Variants in TTN observed in about 807,000 individuals in gnomAD.
TTN encodes the protein titin, also known as connectin.
A neutral mutation model predicts 3,223.0 loss-of-function variants in TTN; 1,525 were observed. The ratio of observed to expected loss-of-function variants is 0.47; its 90% confidence interval spans 0.45 to 0.49. The LOEUF (loss-of-function observed/expected upper bound fraction) is 0.49, where lower values mean the gene tolerates loss of function less well. Ranked by LOEUF, TTN falls within the 20% of genes least tolerant of loss-of-function variation. The pLI, the probability that TTN is intolerant of heterozygous loss-of-function variation, is 0.00. For synonymous variants in TTN, 14,094 were observed against 15,161.0 expected, an observed-to-expected ratio of 0.93 and a Z score of 5.17; for missense variants, 40,786 against 43,424.0, an observed-to-expected ratio of 0.94 and a Z score of 5.40.
In TTN at chr2:178,572,498, A is replaced by C; in HGVS notation, c.73634T>G (p.Leu24545Arg). 1.2e-6 allele frequency: 2 copies of C among 1,613,332 alleles called. No homozygotes were observed. The highest frequency in any genetic ancestry group is 1.7e-6 in the Non-Finnish European group (2 of 1,179,546). Reference protein sequence around the residue: ...SVTLTWDPPLLDGGSKIKNYI... With the variant: ...SVTLTWDPPLRDGGSKIKNYI... Reference sequence around the variant, plus strand: ...GTTCTTGATTTTTGAACCTCCATCAAGGAGAGGTGGGTCCCATGTGAGTGT... The same window carrying C: ...GTTCTTGATTTTTGAACCTCCATCACGGAGAGGTGGGTCCCATGTGAGTGT... Residue 24545 changes from leucine to arginine, a missense_variant, in exon 326 of 363, where the codon CTT becomes CGT. Transcript: ENST00000589042.
chr2:178,569,626 T>C lies in TTN; in HGVS notation c.76506A>G (p.Glu25502=), dbSNP rs1575724281. ...HADVPGPIIV[E]EKLEAPDIDL... ...CAATGTCTGGTGCTTCTAATTTTTC[T>C]TCAACTATAATAGGTCCAGGGACGT... is the stretch of plus-strand genomic sequence containing the variant. Residue 25502 remains glutamate, a synonymous_variant, in exon 326 of 363, where the codon GAA becomes GAG. Coordinates refer to ENST00000589042, the MANE Select transcript of TTN (RefSeq NM_001267550.2). 6.2e-7 allele frequency: 1 copy of C among 1,612,076 alleles called. No individual in the cohort carries two copies. The highest frequency in any genetic ancestry group is 8.5e-7 in the Non-Finnish European group (1 of 1,179,026).
chr2:178,775,857 G>A lies in TTN; in HGVS notation c.6007C>T (p.Arg2003Cys), dbSNP rs756461399. ...ESEELRSKFK[R>C]RTEEGYYEAI... Reference sequence around the variant, plus strand: ...TCATAATAGCCCTCTTCTGTTCTGCGCTTGAATTTACTGCGCAGCTCTTCC... The same window carrying A: ...TCATAATAGCCCTCTTCTGTTCTGCACTTGAATTTACTGCGCAGCTCTTCC... Residue 2003 changes from arginine (R) to cysteine (C), a missense_variant, in exon 28 of 363, where the codon CGC (arginine) becomes TGC (cysteine). Coordinates refer to ENST00000589042, the MANE Select transcript of TTN (RefSeq NM_001267550.2). 9.3e-6 allele frequency: 15 copies of A among 1,613,920 alleles called. No homozygotes were observed. The highest frequency in any genetic ancestry group is 7.7e-5 in the South Asian group (7 of 91,086).
Position 178,553,497 on chromosome 2 carries a change from C to T in TTN, c.89503+5G>A. 6.2e-7 allele frequency: 1 copy of T among 1,604,524 alleles called. No homozygotes were observed. The highest frequency in any genetic ancestry group is 8.5e-7 in the Non-Finnish European group (1 of 1,175,338). On this transcript the variant is annotated splice_donor_5th_base_variant and intron_variant, in intron 334 of 362. Transcript: ENST00000589042. ...AAAAACATAATCAAACCAGTAGGTA[C>T]ATACCAAGTATATCTTTAGCTTGTA...
At position 178,552,413 on chromosome 2, in the gene TTN, T is replaced by C. The variant is rs1445875669; in HGVS notation, c.90487A>G (p.Ile30163Val). The C allele has an allele frequency of 6.3e-7, 1 of 1,595,602 alleles. No individual in the cohort carries two copies. The highest frequency in any genetic ancestry group is 8.6e-7 in the Non-Finnish European group (1 of 1,168,240). ...LPYKGKPKPS[I>V]SWLKDGLPLK... The stretch of plus-strand genomic sequence containing the variant: ...GGCAAGCCATCTTTCAGCCAACTGA[T>C]GGATGGTTTGGGTTTTCCCTTATAA... The change falls in exon 335 of 363, where the codon ATC (isoleucine) becomes GTC (valine). Residue 30163 changes from isoleucine (I) to valine (V), a missense_variant. Physicochemically the swap from Ile to Val is conservative, Grantham distance 29. Transcript: ENST00000589042.
chr2:178,528,211 AGAG>A, intron 361 of TTN, 60 bp downstream of exon 361: 2 of 1,528,826 alleles, frequency 1.3e-6, no homozygotes, highest in Non-Finnish European at 1.8e-6. Flanking sequence ...TGCTTGAAAG[AGAG>A]GCAAAAAAAC....
chr2:178,580,772 C>G, intron 316 of TTN, 163 bp from the exon 317 acceptor site: 1 of 732,314 alleles, frequency 1.4e-6, no homozygotes. Context: ...CTGTTCTGTA[C>G]TAATTGTTGA....
At chr2:178,783,554 A>G (rs1354716085) in intron 17 of TTN, among the ~76,000 whole-genome samples, 166 bp downstream of exon 17, 3 of 152,158 alleles carry the variant, frequency 2.0e-5, no homozygotes, top group African/African-American at 4.8e-5. Context: ...CTTGCCAAAT[A>G]TGGTCAAATA....
rs1334126012 is a variant in TTN at position 178,576,827 on chromosome 2, G to A, written c.69417C>T (p.Pro23139=). 6.2e-7 allele frequency: 1 copy of A among 1,606,962 alleles called. No homozygotes were observed. The highest frequency in any genetic ancestry group is 1.7e-5 in the Admixed American group (1 of 58,206). Residue 23139 remains proline (P), a synonymous_variant, in exon 325 of 363, where the codon CCC becomes CCT. Coordinates refer to ENST00000589042, the MANE Select transcript of TTN (RefSeq NM_001267550.2). This position sits in a 1 kb window ranked among gnomAD's most constrained non-coding sequence, Gnocchi z 4.3. ...EPVKMVDRFG[P]PGPPEKPEVS... ...CCTCTGGTTTTTCAGGAGGGCCAGGGGGACCTGAAAAGGAAGCAAATTTAT... is the reference window on the plus strand; with the variant it reads ...CCTCTGGTTTTTCAGGAGGGCCAGGAGGACCTGAAAAGGAAGCAAATTTAT...
Position 178,651,299 on chromosome 2 carries a change from A to G in TTN, c.39569T>C (p.Val13190Ala). Residue 13190 changes from valine (V) to alanine (A), a missense_variant, in exon 208 of 363, where the codon GTT becomes GCT. By Grantham distance (64) the Val-to-Ala change is moderately conservative. Coordinates refer to ENST00000589042, the MANE Select transcript of TTN (RefSeq NM_001267550.2). Reference sequence around the variant, plus strand: ...AACAGCTACTTTCTTTTCTGGAACAACTTCTTTTGGAACTTCAGGCACTTC... The same window carrying G: ...AACAGCTACTTTCTTTTCTGGAACAGCTTCTTTTGGAACTTCAGGCACTTC... ...PAKVPEVPKEVVPEKKVAVPK... is the reference protein window; with the variant it reads ...PAKVPEVPKEAVPEKKVAVPK... 1 of 1,613,098 alleles carries G rather than the reference A, an allele frequency of 6.2e-7. No individual in the cohort carries two copies. The highest frequency in any genetic ancestry group is 1.3e-5 in the African/African-American group (1 of 74,968).
chr2:178,610,460 A>C, intron 270 of TTN, 71 bp from the exon 271 acceptor site: 1 of 1,503,756 alleles, frequency 6.7e-7, no homozygotes, highest in Non-Finnish European at 9.1e-7. Flanking sequence ...CTTGTCTCTA[A>C]GTGGGGCTAT....
At position 178,732,680 on chromosome 2, in the gene TTN, C is replaced by T. The variant is rs749477796; in HGVS notation, c.16381G>A (p.Val5461Ile). 3.1e-6 allele frequency: 5 copies of T among 1,604,872 alleles called. No homozygotes were observed. The highest frequency in any genetic ancestry group is 4.3e-6 in the Non-Finnish European group (5 of 1,175,474). Residue 5461 changes from valine to isoleucine, a missense_variant, in exon 56 of 363, where the codon GTT becomes ATT. Transcript: ENST00000589042. ...AGGCAGACTGCTGAGCCAGGCAGAACATCCTTTGAGCCGGGTTTAGTTACA... is the reference window on the plus strand; with the variant it reads ...AGGCAGACTGCTGAGCCAGGCAGAATATCCTTTGAGCCGGGTTTAGTTACA... ...SFVTKPGSKD[V>I]LPGSAVCLKS... is the part of the protein sequence containing the mutation.
rs397517613 is a variant in TTN at position 178,605,703 on chromosome 2, T to C, written c.53592A>G (p.Thr17864=). Residue 17864 remains threonine (T), a synonymous_variant, in exon 279 of 363, where the codon ACA becomes ACG. Transcript: ENST00000589042. ...CAGTGTATGTGAGCCTCTCTGGAGA[T>C]GTTGGAGGACCTTTAGCCAGAGGCA... The part of the protein sequence containing the change: ...ILAVDPLGPP[T]SPERLTYTER... The C allele has an allele frequency of 6.8e-5, 104 of 1,537,480 alleles. No homozygotes were observed. Among genetic ancestry groups the C allele is most frequent in the Non-Finnish European group, 8.8e-5 (100 of 1,138,994 alleles).
intron 239 of TTN, 107 bp from the exon 240 acceptor site, chr2:178,629,550 C>T (rs865918151): frequency 5.4e-6 from 8 of 1,493,266 alleles, no homozygotes; most frequent in Admixed American, 2.0e-5. Context: ...CAAGAAGCCA[C>T]AGGACTGGCC....
chr2:178,560,859 T>C lies in TTN; in HGVS notation c.85273A>G (p.Thr28425Ala). The change falls in exon 326 of 363, where the codon ACT becomes GCT. Residue 28425 changes from threonine (T) to alanine (A), a missense_variant. By Grantham distance (58) the Thr-to-Ala change is moderately conservative. Transcript: ENST00000589042. ...TTCAGTGTTAGTACATATTGCCCAG[T>C]GTCTCGTCTTATACAGTCTTTAACT... Reference protein sequence around the residue: ...LTVKDCIRRDTGQYVLTLKNV... With the variant: ...LTVKDCIRRDAGQYVLTLKNV... 5 of 1,613,728 alleles carry C rather than the reference T, an allele frequency of 3.1e-6. No individual in the cohort carries two copies. The highest frequency in any genetic ancestry group is 4.2e-6 in the Non-Finnish European group (5 of 1,179,804).
rs1044101230 is a variant in TTN at position 178,587,458 on chromosome 2, C to T, written c.63794-41G>A. ...AAATCAGATATACATGTCTCCTCAG[C>T]ATCCCTATTAACAAATTCATTTTTG... On this transcript the variant is annotated intron_variant, in intron 306 of 362. Coordinates refer to ENST00000589042, the MANE Select transcript of TTN (RefSeq NM_001267550.2). 15 of 1,603,170 alleles carry T rather than the reference C, an allele frequency of 9.4e-6. No homozygotes were observed. The African/African-American group carries it at 1.7e-4, about 19-fold the overall frequency.
Position 178,776,333 on chromosome 2 carries a change from A to T in TTN, c.5531T>A (p.Val1844Asp). 6.2e-7 allele frequency: 1 copy of T among 1,613,960 alleles called. No individual in the cohort carries two copies. Among genetic ancestry groups the T allele is most frequent in the Non-Finnish European group, 8.5e-7 (1 of 1,179,990 alleles). Residue 1844 changes from valine (V) to aspartate (D), a missense_variant, in exon 28 of 363, where the codon GTC becomes GAC. Val to Asp is a radical substitution (Grantham distance 152). Coordinates refer to ENST00000589042, the MANE Select transcript of TTN (RefSeq NM_001267550.2). ...DQKEKQKPDI[V>D]LYPEPVRVLE... ...TACTCTAACTGGCTCTGGGTACAAG[A>T]CAATGTCTGGCTTTTGCTTTTCTTT...
At chr2:178,745,076 T>G in intron 47 of TTN, 1 of 986,996 alleles carries the variant, frequency 1.0e-6, no homozygotes. Flanking sequence ...TTGTTGTTTG[T>G]TTTGCCTATT....
At chr2:178,748,539 T>C in intron 47 of TTN, 2 of 1,613,068 alleles carry the variant, frequency 1.2e-6, no homozygotes, top group East Asian at 2.2e-5. Context: ...TGAGAATACA[T>C]TTGTTTTAGA....
Position 178,558,032 on chromosome 2 carries a change from C to T in TTN, c.87322G>A (p.Val29108Ile), listed in dbSNP as rs1393606181. ...ENLTINLKES[V>I]TADAGRYEIT... Reference sequence around the variant, plus strand: ...TCATATCTCCCAGCGTCAGCTGTAACACTTTCTTTGAGATTGATGGTCAGG... The same window carrying T: ...TCATATCTCCCAGCGTCAGCTGTAATACTTTCTTTGAGATTGATGGTCAGG... Residue 29108 changes from valine to isoleucine, a missense_variant, in exon 328 of 363, where the codon GTT (valine) becomes ATT (isoleucine). By Grantham distance (29) the Val-to-Ile change is conservative. Transcript: ENST00000589042. 1 of 1,613,950 alleles carries T rather than the reference C, an allele frequency of 6.2e-7. No individual in the cohort carries two copies. The highest frequency in any genetic ancestry group is 1.1e-5 in the South Asian group (1 of 91,082).
Sources: allele counts gnomAD v4.1 joint callset (sites outside exome capture counted in the v4.1 genomes callset), GRCh38; gene constraint gnomAD v4.1.1; non-coding constraint Gnocchi (gnomAD v3.1); transcripts MANE v1.5; gene names NCBI Gene and HGNC (gene_info 2026-07-23, HGNC 2026-07-21).